DDHD2: variants seen among roughly 807,000 people sequenced by gnomAD.
DDHD2 encodes the protein triacylglycerol hydrolase DDHD2.
DDHD2 carries 62 observed loss-of-function variants against 91.2 expected under a neutral mutation model. The ratio of observed to expected loss-of-function variants is 0.68; its 90% CI spans 0.55 to 0.84. The LOEUF (loss-of-function observed/expected upper bound fraction) is 0.84, where lower values mean the gene tolerates loss of function less well. DDHD2 is among the 40% of genes least tolerant of loss of function. The probability of loss-of-function intolerance (pLI) is 0.00; values close to 1 mark genes in which losing one functional copy is unlikely to be tolerated. For missense variants in DDHD2, 740 were observed against 846.9 expected, an observed-to-expected ratio of 0.87 and a Z score of 1.57; for synonymous variants, 271 against 293.9, an observed-to-expected ratio of 0.92 and a Z score of 0.80.
At chr8:38,266,138 T>A (rs1250681304), downstream of DDHD2, 1 of 1,613,816 alleles carries the variant, frequency 6.2e-7, no homozygotes, top group South Asian at 1.1e-5. Context: ...GTACTTTGCT[T>A]ACCTTGCCAG....
At chr8:38,259,891 G>A (rs1806845136) in intron 16 of DDHD2, 149 bp from the exon 17 acceptor site, 2 of 597,730 alleles carry the variant, frequency 3.3e-6, no homozygotes, top group Non-Finnish European at 5.9e-6. Context: ...CCAAACCACT[G>A]CCAATTACAT....
At chr8:38,269,862 A>G (rs1423246488) in intron 1 of DDHD2, 1 of 152,250 alleles carries the variant, frequency 6.6e-6, no homozygotes, top group East Asian at 1.9e-4. Context: ...ATCTCAGTAA[A>G]TATAATGTAC....
intron 13 of DDHD2, 99 bp downstream of exon 13, chr8:38,252,386 A>G (rs896861129): frequency 9.6e-6 from 13 of 1,349,464 alleles, no homozygotes; most frequent in Non-Finnish European, 1.2e-5. Flanking sequence ...TTCCTATTCC[A>G]TTGTCTAGCA....
At chr8:38,238,036 A>G in intron 4 of DDHD2, 53 bp from the exon 5 acceptor site, 5 of 1,516,382 alleles carry the variant, frequency 3.3e-6, no homozygotes, top group Non-Finnish European at 4.4e-6. Context: ...TGCATTGTAT[A>G]GAGATGATTG....
At chr8:38,255,194 C>CAA (rs34259167) in intron 16 of DDHD2, 1,837 of 117,670 alleles carry the variant, frequency 0.016, 1 homozygote, top group South Asian at 0.027. Flanking sequence ...GACTCCATCT[C>CAA]AAAAAAAAAA....
At chr8:38,234,637 C>A in intron 3 of DDHD2, 53 bp downstream of exon 3, 1 of 1,388,490 alleles carries the variant, frequency 7.2e-7, no homozygotes, top group African/African-American at 1.5e-5. Flanking sequence ...ATTTAATAAT[C>A]TTTTCTTTCC....
intron 10 of DDHD2, among the ~76,000 whole-genome samples, chr8:38,248,598 G>A (rs541113301): frequency 1.6e-4 from 24 of 152,110 alleles, no homozygotes; most frequent in Middle Eastern, 3.4e-3. Context: ...AAAGTACACC[G>A]TGTTGTAAGA....
In DDHD2 at chr8:38,258,713, G is replaced by A. The variant is rs116000449; in HGVS notation, c.2055-1327G>A. The stretch of plus-strand genomic sequence containing the variant: ...GTGTATATGAGTTTGTGGGAGATGA[G>A]GGAAGTCTGTGAATCCAATGAAATA... On this transcript the variant is annotated intron_variant, in intron 16 of 17. Transcript: ENST00000397166. Among the ~76,000 whole-genome samples the A allele has an allele frequency of 6.3e-3, 962 of 152,302 alleles. 6 individuals carry two copies. Among genetic ancestry groups the A allele is most frequent in the African/African-American group, 0.022 (930 of 41,550 alleles).
intron 1 of DDHD2, chr8:38,270,295 T>C (rs117216558): frequency 6.6e-6 from 1 of 152,272 alleles, no homozygotes; most frequent in Non-Finnish European, 1.5e-5. Context: ...AGTACAGAAA[T>C]AACCAATCTA....
chr8:38,249,601 A>G lies in DDHD2; in HGVS notation c.1249-107A>G, dbSNP rs1031186700. ...GGAAGTTATTCTATGATGTTTTACT[A>G]CTAGAGAGACAGGCAGCAACAGAGT... On this transcript the variant is annotated intron_variant, in intron 10 of 17. Coordinates refer to ENST00000397166, the MANE Select transcript of DDHD2 (RefSeq NM_015214.3). 6 of 574,164 alleles carry G rather than the reference A, an allele frequency of 1.0e-5. No homozygotes were observed. The East Asian group carries it at 1.8e-4, about 17-fold the overall frequency. 35.6% of individuals were successfully genotyped at this position (574,164 alleles called of 1,614,324 possible).
rs140717426 is a variant in DDHD2, at chr8:38,240,013, G to A, written c.623-262G>A. ...GCTGGGATTACAGCCGTGAGCCACC[G>A]CGCCCAGCCGAGTTTTCTTTTTCAG... On this transcript the variant is annotated intron_variant, in intron 5 of 17. Transcript: ENST00000397166. Among the ~76,000 whole-genome samples, 1,784 of 151,682 alleles carry A rather than the reference G, an allele frequency of 0.012. 17 individuals carry two copies. Among genetic ancestry groups the A allele is most frequent in the Non-Finnish European group, 0.017 (1,150 of 67,936 alleles).
chr8:38,232,984 TA>T lies in DDHD2; in HGVS notation c.-8-2del. On this transcript the variant is annotated splice_acceptor_variant, in intron 1 of 17. Coordinates refer to ENST00000397166, the MANE Select transcript of DDHD2 (RefSeq NM_015214.3). LOFTEE classifies it low-confidence loss of function (5UTR_SPLICE). ...TTTCCTGATAGTTTTCTTTTGTCTT[TA>T]GAGAGCGAAATGTCATCAGTGCAGT... 6.2e-7 allele frequency: 1 copy of T among 1,612,476 alleles called. No homozygotes were observed. Among genetic ancestry groups the T allele is most frequent in the African/African-American group, 1.3e-5 (1 of 74,960 alleles).
At chr8:38,257,966 A>C (rs1387268302) in intron 16 of DDHD2, among the ~76,000 whole-genome samples, 1 of 152,046 alleles carries the variant, frequency 6.6e-6, no homozygotes, top group Non-Finnish European at 1.5e-5. Flanking sequence ...CAGCCAACAC[A>C]GTATATTGTT....
In DDHD2 at chr8:38,246,270, AG is replaced by A; in HGVS notation, c.1096del (p.Asp366IlefsTer13). ...TGTTTGATATCCTAACAAATCAGAA[AG>A]ATTCTTTGGGGGATATTGACAGTGA... ...ILFDILTNQK[D>X]SLGDIDSEKD... is the part of the protein sequence containing the mutation. On this transcript the variant is annotated frameshift_variant, in exon 9 of 18. Coordinates refer to ENST00000397166, the MANE Select transcript of DDHD2 (RefSeq NM_015214.3). LOFTEE classifies it high-confidence loss of function. 2 of 1,609,846 alleles carry A rather than the reference AG, an allele frequency of 1.2e-6. No homozygotes were observed. Among genetic ancestry groups the A allele is most frequent in the Non-Finnish European group, 1.7e-6 (2 of 1,176,934 alleles).
chr8:38,233,791 G>A (rs982412104), intron 2 of DDHD2, among the ~76,000 whole-genome samples: 3 of 151,740 alleles, frequency 2.0e-5, no homozygotes, highest in African/African-American at 7.3e-5. Flanking sequence ...TAGCTGGGCG[G>A]CGGGGTTTGT....
chr8:38,268,053 T>A, intron 1 of DDHD2: 1 of 1,593,588 alleles, frequency 6.3e-7, no homozygotes. Context: ...GTTTCTGAGA[T>A]GGATAGAATC....
At chr8:38,239,714 A>G (rs1223816045) in intron 5 of DDHD2, among the ~76,000 whole-genome samples, 1 of 148,438 alleles carries the variant, frequency 6.7e-6, no homozygotes, top group African/African-American at 2.5e-5. Context: ...TAATTTAAAA[A>G]AAAAAAAAAA....
chr8:38,266,336 G>A (rs753843467), downstream of DDHD2: 3 of 1,597,416 alleles, frequency 1.9e-6, no homozygotes, highest in African/African-American at 4.0e-5. Flanking sequence ...ACTTTTAAGT[G>A]GTTTGTCTTT....
At chr8:38,240,656 A>C (rs189905221) in intron 6 of DDHD2, among the ~76,000 whole-genome samples, 1 of 152,356 alleles carries the variant, frequency 6.6e-6, no homozygotes, top group East Asian at 1.9e-4. Context: ...TTTACAGGGA[A>C]CCATAAAGAT....
Sources: allele counts gnomAD v4.1 joint callset (sites outside exome capture counted in the v4.1 genomes callset), GRCh38; gene constraint gnomAD v4.1.1; transcripts MANE v1.5; gene names NCBI Gene and HGNC (gene_info 2026-07-23, HGNC 2026-07-21).